The following TMTC2 variants were observed in gnomAD, a reference collection of about 807,000 sequenced individuals.
TMTC2 encodes the protein transmembrane O-mannosyltransferase targeting cadherins 2, also known as protein O-mannosyl-transferase TMTC2.
Under a neutral mutation model 82.4 loss-of-function variants are expected in TMTC2, and 43 were observed. The observed-to-expected ratio is 0.52, with a 90% CI of 0.41 to 0.67. The LOEUF (loss-of-function observed/expected upper bound fraction) is 0.67. Ranked by LOEUF, TMTC2 falls within the 30% of genes least tolerant of loss-of-function variation. TMTC2 has a pLI of 0.00. For missense variants in TMTC2, 919 were observed against 1,012.4 expected, an observed-to-expected ratio of 0.91 and a Z score of 1.25; for synonymous variants, 408 against 381.9, an observed-to-expected ratio of 1.07 and a Z score of -0.80.
At chr12:83,001,353 T>G (rs1293117668) in intron 8 of TMTC2, among the ~76,000 whole-genome samples, 1 of 151,996 alleles carries the variant, frequency 6.6e-6, no homozygotes, top group Non-Finnish European at 1.5e-5. Context: ...TCTTCCACCT[T>G]AGGGCCCAGC....
intron 4 of TMTC2, among the ~76,000 whole-genome samples, chr12:82,947,705 T>C (rs74106191): frequency 0.059 from 9,027 of 152,224 alleles, 890 homozygotes; most frequent in African/African-American, 0.21. Context: ...TCTTACGCCC[T>C]GTTTTTTTGT....
intron 11 of TMTC2, among the ~76,000 whole-genome samples, chr12:83,084,251 A>G (rs184219039): frequency 4.6e-5 from 7 of 152,356 alleles, no homozygotes; most frequent in Admixed American, 3.9e-4. Context: ...GACAGCTATT[A>G]TAGAGTTTTT....
chr12:83,022,919 A>T (rs1881000117), intron 8 of TMTC2, among the ~76,000 whole-genome samples: 1 of 152,224 alleles, frequency 6.6e-6, no homozygotes, highest in Non-Finnish European at 1.5e-5. Context: ...GAAACATTGT[A>T]TTTCATTGAA....
At chr12:83,063,746 G>T (rs1292738975) in intron 11 of TMTC2, among the ~76,000 whole-genome samples, 2 of 151,862 alleles carry the variant, frequency 1.3e-5, no homozygotes, top group African/African-American at 4.8e-5. Flanking sequence ...AGAGTACCAG[G>T]TATTACTTTA....
chr12:82,773,991 A>G (rs1468744742), intron 1 of TMTC2, among the ~76,000 whole-genome samples: 1 of 152,160 alleles, frequency 6.6e-6, no homozygotes, highest in Non-Finnish European at 1.5e-5. Context: ...GATGTAGTTT[A>G]GAATTGATAT....
At chr12:82,892,413 A>C (rs1057464711) in intron 2 of TMTC2, among the ~76,000 whole-genome samples, 1 of 152,200 alleles carries the variant, frequency 6.6e-6, no homozygotes, top group South Asian at 2.1e-4. Context: ...AAATGCAATA[A>C]TATGACCACA....
At position 83,133,231 on chromosome 12, in the gene TMTC2, A is replaced by C. The variant is rs1885321945; in HGVS notation, c.*842A>C. ...CTTTGAAAATAGCTATTCCTGGAGA[A>C]TGTGCAAGCTTACATAAGGATAAAG... On this transcript the variant is annotated 3_prime_UTR_variant, in exon 12 of 12. Transcript: ENST00000321196. The C allele has an allele frequency of 6.6e-6, 1 of 152,228 alleles. No homozygotes were observed. Among genetic ancestry groups the C allele is most frequent in the Non-Finnish European group, 1.5e-5 (1 of 68,046 alleles). 9.4% of individuals were successfully genotyped at this position (152,228 alleles called of 1,614,324 possible). A position where few individuals can be genotyped will look rare whatever the true frequency, so the allele number is the denominator to read the frequency against.
At chr12:82,742,521 CTT>C (rs369523726) in intron 1 of TMTC2, among the ~76,000 whole-genome samples, 27 of 140,464 alleles carry the variant, frequency 1.9e-4, no homozygotes, top group Admixed American at 1.4e-4. Flanking sequence ...CCTGTATATT[CTT>C]TTTTTTTTTT....
At chr12:82,959,694 A>G (rs1877814830) in intron 4 of TMTC2, among the ~76,000 whole-genome samples, 1 of 152,158 alleles carries the variant, frequency 6.6e-6, no homozygotes, top group Admixed American at 6.6e-5. Context: ...TAAAGATTTA[A>G]GTGTAAGTCC....
chr12:82,966,026 A>G (rs2137304883), intron 6 of TMTC2: 1 of 419,388 alleles, frequency 2.4e-6, no homozygotes, highest in East Asian at 3.5e-5. Flanking sequence ...TGACTATTCA[A>G]GAATGGGGAA....
intron 3 of TMTC2, among the ~76,000 whole-genome samples, chr12:82,912,939 G>GA (rs71068957): frequency 0.021 from 2,647 of 126,888 alleles, 124 homozygotes; most frequent in East Asian, 0.16. Context: ...GACCTTGTCT[G>GA]AAAAAAAAAA....
chr12:82,998,363 A>G (rs750416861), intron 8 of TMTC2, among the ~76,000 whole-genome samples: 27 of 152,312 alleles, frequency 1.8e-4, no homozygotes, highest in Non-Finnish European at 3.5e-4. Context: ...ATTTGTCTAG[A>G]TGAATCCAAA....
At chr12:82,812,088 G>T (rs1226053245) in intron 1 of TMTC2, among the ~76,000 whole-genome samples, 3 of 151,918 alleles carry the variant, frequency 2.0e-5, no homozygotes, top group Non-Finnish European at 4.4e-5. Flanking sequence ...AAGGTGCTGG[G>T]ATTACAGGCA....
At chr12:82,917,244 C>T (rs980859851) in intron 3 of TMTC2, among the ~76,000 whole-genome samples, 2 of 152,062 alleles carry the variant, frequency 1.3e-5, no homozygotes, top group African/African-American at 4.8e-5. Context: ...CTCTTTTTCT[C>T]CTCCCTTTGT....
intron 8 of TMTC2, among the ~76,000 whole-genome samples, chr12:83,020,770 C>A (rs1880882865): frequency 6.6e-6 from 1 of 151,946 alleles, no homozygotes; most frequent in Non-Finnish European, 1.5e-5. Flanking sequence ...GTGGGTGACT[C>A]CTTTAAGTTA....
Position 82,906,827 on chromosome 12 carries a change from G to A in TMTC2, c.1483+10181G>A, listed in dbSNP as rs976027311. On this transcript the variant is annotated intron_variant, in intron 3 of 11. Transcript: ENST00000321196. ...CACAGCTTTTCATTTTTACCAGAGA[G>A]CCTTGGTAAGAGAAACTAGCTAAAA... Among the ~76,000 whole-genome samples, 5 of 152,290 alleles carry A rather than the reference G, an allele frequency of 3.3e-5. No individual in the cohort carries two copies. The East Asian group carries it at 9.6e-4, about 29-fold the overall frequency.
intron 8 of TMTC2, among the ~76,000 whole-genome samples, chr12:83,003,160 C>T (rs1029472477): frequency 2.0e-5 from 3 of 152,074 alleles, no homozygotes; most frequent in African/African-American, 7.2e-5. Flanking sequence ...AAACTTTCAT[C>T]ATCATATAAT....
chr12:82,793,562 A>G (rs2137025782), intron 1 of TMTC2, among the ~76,000 whole-genome samples: 1 of 152,254 alleles, frequency 6.6e-6, no homozygotes. Flanking sequence ...TGACTAAATT[A>G]GTGTTACTCT....
chr12:82,791,645 C>T (rs1447288258), intron 1 of TMTC2, among the ~76,000 whole-genome samples: 1 of 152,072 alleles, frequency 6.6e-6, no homozygotes, highest in East Asian at 1.9e-4. Flanking sequence ...TCTGATTATT[C>T]TATAGGCCAG....
Sources: gnomAD v4.1 joint callset for allele counts (sites outside exome capture counted in the v4.1 genomes callset) on GRCh38, gnomAD v4.1.1 for gene constraint, MANE v1.5 for transcripts, NCBI Gene and HGNC (gene_info 2026-07-23, HGNC 2026-07-21) for gene names.